Variants in ICE1 observed in about 807,000 individuals in gnomAD.
ICE1 encodes the protein little elongation complex subunit 1.
Under a neutral mutation model 192.7 loss-of-function variants are expected in ICE1, and 64 were observed. That is an observed-to-expected ratio of 0.33 (90% CI 0.27 to 0.41). The LOEUF (loss-of-function observed/expected upper bound fraction) is 0.41. Ranked by LOEUF, ICE1 falls within the 10% of genes least tolerant of loss-of-function variation. ICE1 has a pLI of 1.00. For synonymous variants in ICE1, 1,010 were observed against 984.5 expected, an observed-to-expected ratio of 1.03 and a Z score of -0.49; for missense variants, 2,708 against 2,696.0, an observed-to-expected ratio of 1.00 and a Z score of -0.10.
chr5:5,466,723 A>T (rs1372975120), intron 14 of ICE1, among the ~76,000 whole-genome samples: 4 of 152,242 alleles, frequency 2.6e-5, no homozygotes, highest in African/African-American at 9.6e-5. Flanking sequence ...AGTATCTCTC[A>T]TTACTGTGTA....
rs1280878278 is a variant in ICE1 at position 5,486,703 on chromosome 5, T to C, written c.6521-18T>C. The C allele has an allele frequency of 1.3e-6, 2 of 1,522,616 alleles. No individual in the cohort carries two copies. Among genetic ancestry groups the C allele is most frequent in the Admixed American group, 1.8e-5 (1 of 54,296 alleles). The allele number at this position is 1,522,616 out of a possible 1,614,324, so 94.3% of individuals were successfully genotyped here. On this transcript the variant is annotated intron_variant, in intron 17 of 18. Transcript: ENST00000296564. Reference sequence around the variant, plus strand: ...AACATTTAACTGGACTGTTTACATTTTGGTTTGTTTCCCCTAGGTCGTTTA... The same window carrying C: ...AACATTTAACTGGACTGTTTACATTCTGGTTTGTTTCCCCTAGGTCGTTTA...
intron 1 of ICE1, among the ~76,000 whole-genome samples, chr5:5,434,824 T>C (rs1473230): frequency 0.052 from 7,877 of 152,312 alleles, 652 homozygotes; most frequent in East Asian, 0.35. Flanking sequence ...ATGTTTATTT[T>C]AGTCTAGCCT....
At chr5:5,431,852 G>T (rs1277616481) in intron 1 of ICE1, among the ~76,000 whole-genome samples, 1 of 151,082 alleles carries the variant, frequency 6.6e-6, no homozygotes, top group Non-Finnish European at 1.5e-5. Context: ...TTTTTAATTA[G>T]GTCTCCATCT....
chr5:5,454,331 A>T (rs574527934), intron 10 of ICE1, among the ~76,000 whole-genome samples: 40 of 152,124 alleles, frequency 2.6e-4, no homozygotes, highest in Middle Eastern at 3.4e-3. Flanking sequence ...TTTTTTTTTT[A>T]AAAAAGCAAA....
chr5:5,448,635 G>A (rs1347387266), intron 10 of ICE1, among the ~76,000 whole-genome samples: 1 of 151,982 alleles, frequency 6.6e-6, no homozygotes, highest in Non-Finnish European at 1.5e-5. Flanking sequence ...AGTAAATAAT[G>A]GTATTTCATC....
In ICE1 at chr5:5,462,623, T is replaced by TAC; in HGVS notation, c.3293_3294dup (p.Gly1099GlnfsTer12). 6.2e-7 allele frequency: 1 copy of TAC among 1,613,942 alleles called. No homozygotes were observed. The highest frequency in any genetic ancestry group is 8.5e-7 in the Non-Finnish European group (1 of 1,179,878). On this transcript the variant is annotated frameshift_variant, in exon 13 of 19. Coordinates refer to ENST00000296564, the MANE Select transcript of ICE1 (RefSeq NM_015325.3). LOFTEE classifies it high-confidence loss of function. ...TAGCCTGCCTGGTACCTTACATTGT[T>TAC]ACACAGGCATTCGAGAGGGGGGAGA...
At chr5:5,447,163 G>GAA (rs1233829899) in intron 7 of ICE1, among the ~76,000 whole-genome samples, 1 of 152,184 alleles carries the variant, frequency 6.6e-6, no homozygotes, top group African/African-American at 2.4e-5. Flanking sequence ...TTAACTAGGG[G>GAA]TTGGGATTGC....
At chr5:5,443,896 C>T (rs1040955280) in intron 6 of ICE1, among the ~76,000 whole-genome samples, 2 of 152,170 alleles carry the variant, frequency 1.3e-5, no homozygotes, top group African/African-American at 4.8e-5. Flanking sequence ...GCTTTCCATA[C>T]GGTGGTGCTG....
intron 1 of ICE1, among the ~76,000 whole-genome samples, chr5:5,430,121 A>C (rs1737657206): frequency 6.6e-6 from 1 of 152,202 alleles, no homozygotes; most frequent in Non-Finnish European, 1.5e-5. Context: ...CTGGAGAGGA[A>C]GAACACCTTG....
rs905154687 is a variant in ICE1 at position 5,427,865 on chromosome 5, G to A, written c.84+4866G>A. Among the ~76,000 whole-genome samples, 7 of 152,256 alleles carry A rather than the reference G, an allele frequency of 4.6e-5. No homozygotes were observed. The South Asian group carries it at 8.3e-4, about 18-fold the overall frequency. Reference sequence around the variant, plus strand: ...ACAGTTAAGTAGAAAAGCAACCACAGTATAGGTATAATATAAATATTATGG... The same window carrying A: ...ACAGTTAAGTAGAAAAGCAACCACAATATAGGTATAATATAAATATTATGG... On this transcript the variant is annotated intron_variant, in intron 1 of 18. Coordinates refer to ENST00000296564, the MANE Select transcript of ICE1 (RefSeq NM_015325.3).
chr5:5,440,871 A>C (rs1738025670), intron 4 of ICE1, among the ~76,000 whole-genome samples: 1 of 151,878 alleles, frequency 6.6e-6, no homozygotes, highest in Admixed American at 6.6e-5. Context: ...ATTATATTCC[A>C]GCCCAGGAGA....
intron 5 of ICE1, among the ~76,000 whole-genome samples, chr5:5,442,853 T>C (rs1178905521): frequency 2.0e-5 from 3 of 152,220 alleles, no homozygotes; most frequent in Non-Finnish European, 2.9e-5. Flanking sequence ...GCTCTAATAT[T>C]TTTTCAGGAT....
chr5:5,444,133 C>T (rs1247127652), intron 6 of ICE1, among the ~76,000 whole-genome samples, 156 bp from the exon 7 acceptor site: 1 of 152,138 alleles, frequency 6.6e-6, no homozygotes, highest in African/African-American at 2.4e-5. Flanking sequence ...ATATTTCATA[C>T]TAAATAGTAT....
rs778026942 is a variant in ICE1 at position 5,463,927 on chromosome 5, G to T, written c.4593G>T (p.Glu1531Asp). 6 of 1,613,896 alleles carry T rather than the reference G, an allele frequency of 3.7e-6. No homozygotes were observed. Among genetic ancestry groups the T allele is most frequent in the South Asian group, 2.2e-5 (2 of 91,064 alleles). The change falls in exon 13 of 19, where the codon GAG (glutamate) becomes GAT (aspartate). Residue 1531 changes from glutamate to aspartate, a missense_variant. Transcript: ENST00000296564. ...CTCAAATCTATGATCAAAACTTCGA[G>T]ACTCAGATTGTTGCGTCTGATCACA... Reference protein sequence around the residue: ...ISSQIYDQNFETQIVASDHTY... With the variant: ...ISSQIYDQNFDTQIVASDHTY...
At chr5:5,441,741 A>G (rs1738060128) in intron 5 of ICE1, among the ~76,000 whole-genome samples, 1 of 152,168 alleles carries the variant, frequency 6.6e-6, no homozygotes, top group South Asian at 2.1e-4. Flanking sequence ...TAATTCATAA[A>G]CTAGTCAATA....
Position 5,449,036 on chromosome 5 carries a change from T to C in ICE1, c.604+1139T>C, listed in dbSNP as rs1007006056. The stretch of plus-strand genomic sequence containing the variant: ...TTCGTTTTTGGACTGACAGATTTGT[T>C]TTACAATTCAGCTATTCCCAAGCCT... On this transcript the variant is annotated intron_variant, in intron 10 of 18. Transcript: ENST00000296564. Among the ~76,000 whole-genome samples the C allele has an allele frequency of 2.6e-5, 4 of 151,084 alleles. No individual in the cohort carries two copies. In the East Asian group the frequency reaches 8.5e-4, roughly 32 times the overall value.
chr5:5,439,695 A>G (rs987298693), intron 3 of ICE1, among the ~76,000 whole-genome samples, 200 bp from the exon 4 acceptor site: 8 of 152,170 alleles, frequency 5.3e-5, no homozygotes, highest in Non-Finnish European at 1.5e-5. Context: ...GGTACATGTT[A>G]TTATGGTAAA....
chr5:5,460,968 A>T lies in ICE1; in HGVS notation c.1634A>T (p.Glu545Val). 1 of 1,614,038 alleles carries T rather than the reference A, an allele frequency of 6.2e-7. No individual in the cohort carries two copies. Among genetic ancestry groups the T allele is most frequent in the Non-Finnish European group, 8.5e-7 (1 of 1,179,894 alleles). Residue 545 changes from glutamate (E) to valine (V), a missense_variant, in exon 13 of 19, where the codon GAA (glutamate) becomes GTA (valine). Physicochemically the swap from Glu to Val is moderately radical, Grantham distance 121 (BLOSUM62 -2). Transcript: ENST00000296564. ...AAAAGGCCATTAAATGAACTCATGGAATCTGAAGGAAAAACCGTATTGTCT... is the reference window on the plus strand; with the variant it reads ...AAAAGGCCATTAAATGAACTCATGGTATCTGAAGGAAAAACCGTATTGTCT... ...LGKRPLNELM[E>V]SEGKTVLSKM...
In ICE1 at chr5:5,464,800, A is replaced by G. The variant is rs745325322; in HGVS notation, c.5466A>G (p.Ser1822=). 6.2e-7 allele frequency: 1 copy of G among 1,613,806 alleles called. No homozygotes were observed. Among genetic ancestry groups the G allele is most frequent in the Non-Finnish European group, 8.5e-7 (1 of 1,179,804 alleles). The change falls in exon 13 of 19, where the codon TCA becomes TCG. Residue 1822 remains serine (S), a synonymous_variant. Transcript: ENST00000296564. The surrounding 1 kb of genome is among the most constrained non-coding windows in gnomAD (Gnocchi z 4.0). ...SSGGDCNQDK[S]RDLGTQQDSS... ...GTGGTGACTGTAACCAAGACAAGTC[A>G]AGAGATTTGGGGACTCAGCAGGATT...
Sources: gnomAD v4.1 joint callset for allele counts (sites outside exome capture counted in the v4.1 genomes callset) on GRCh38, gnomAD v4.1.1 for gene constraint, Gnocchi (gnomAD v3.1) non-coding constraint, MANE v1.5 for transcripts, NCBI Gene and HGNC (gene_info 2026-07-23, HGNC 2026-07-21) for gene names.